MDH1: variants seen among roughly 807,000 people sequenced by gnomAD.
MDH1 encodes malate dehydrogenase 1.
A neutral mutation model predicts 38.7 loss-of-function variants in MDH1; 15 were observed. The observed-to-expected ratio is 0.39, with a 90% CI of 0.26 to 0.60. The LOEUF (loss-of-function observed/expected upper bound fraction) is 0.60. Among genes scored for constraint, MDH1 ranks in the 20% least tolerant of loss-of-function variants. The pLI is 0.56. For missense variants in MDH1, 368 were observed against 405.2 expected, an observed-to-expected ratio of 0.91 and a Z score of 0.79; for synonymous variants, 144 against 143.6, an observed-to-expected ratio of 1.00 and a Z score of -0.02.
At chr2:63,606,072 A>G (rs746184677) in intron 8 of MDH1, 44 bp downstream of exon 8, 3 of 1,523,058 alleles carry the variant, frequency 2.0e-6, no homozygotes, top group Admixed American at 3.3e-5. Flanking sequence ...GGAAGTAGTT[A>G]TATGTTTCTC....
At chr2:63,598,799 C>T (rs900306257) in intron 4 of MDH1, among the ~76,000 whole-genome samples, 7 of 151,796 alleles carry the variant, frequency 4.6e-5, no homozygotes, top group African/African-American at 1.7e-4. Flanking sequence ...AGTAATTCCA[C>T]TTCTTCAAAG....
chr2:63,594,497 A>G lies in MDH1; in HGVS notation c.13A>G (p.Ile5Val), dbSNP rs1709264165. MSEP[I>V]RVLVTGAAGQ... ...GTCTTTTTCATTACAGTCTGAACCA[A>G]TCAGAGTCCTTGTGACTGGAGCAGC... The change falls in exon 2 of 9, where the codon ATC becomes GTC. Residue 5 changes from isoleucine (I) to valine (V), a missense_variant. Coordinates refer to ENST00000233114, the MANE Select transcript of MDH1 (RefSeq NM_005917.4). The G allele has an allele frequency of 1.2e-6, 2 of 1,612,822 alleles. No homozygotes were observed. The highest frequency in any genetic ancestry group is 2.2e-5 in the East Asian group (1 of 44,844).
At chr2:63,589,551 G>T (rs576305874) in intron 1 of MDH1, among the ~76,000 whole-genome samples, 1 of 152,250 alleles carries the variant, frequency 6.6e-6, no homozygotes, top group East Asian at 1.9e-4. Context: ...ACGTGTTTCC[G>T]CCATATCTAA....
intron 1 of MDH1, 195 bp downstream of exon 1, chr2:63,589,241 G>A: frequency 6.4e-7 from 1 of 1,555,272 alleles, no homozygotes; most frequent in East Asian, 2.4e-5. Context: ...ACCTTGCGGG[G>A]TATGGGGCGC....
intron 1 of MDH1, chr2:63,589,277 T>C: frequency 6.4e-7 from 1 of 1,551,146 alleles, no homozygotes; most frequent in East Asian, 2.4e-5. Context: ...GGAGAAGTAG[T>C]TGTCCTGGGA....
intron 5 of MDH1, among the ~76,000 whole-genome samples, chr2:63,603,655 C>CTTTTTT (rs11297982): frequency 2.0e-4 from 20 of 99,084 alleles, no homozygotes; most frequent in Non-Finnish European, 2.9e-4. Context: ...CAAGACATTT[C>CTTTTTT]TTTTTTTTTT....
chr2:63,589,206 C>T, intron 1 of MDH1, 160 bp downstream of exon 1: 4 of 1,585,094 alleles, frequency 2.5e-6, no homozygotes, highest in Admixed American at 1.8e-5. Context: ...CGCAGTGACC[C>T]AGTAATGGGA....
At chr2:63,593,826 C>A (rs1349978524) in intron 1 of MDH1, among the ~76,000 whole-genome samples, 1 of 152,090 alleles carries the variant, frequency 6.6e-6, no homozygotes, top group Admixed American at 6.5e-5. Context: ...AGAGTCATCA[C>A]TTTGAATATC....
chr2:63,589,411 T>A, intron 1 of MDH1: 1 of 1,544,248 alleles, frequency 6.5e-7, no homozygotes, highest in Non-Finnish European at 8.8e-7. Flanking sequence ...AAAGGTTGGG[T>A]CCTAACCCCT....
At chr2:63,593,360 C>G (rs1004816565) in intron 1 of MDH1, 1 of 318,080 alleles carries the variant, frequency 3.1e-6, no homozygotes, top group Non-Finnish European at 6.4e-6. Context: ...TCCCAAAGTG[C>G]TGAGATTACA....
chr2:63,598,324 T>G (rs1709356573), intron 4 of MDH1: 1 of 152,182 alleles, frequency 6.6e-6, no homozygotes, highest in Non-Finnish European at 1.5e-5. Context: ...AGACGGGATT[T>G]CACCATGTTG....
intron 2 of MDH1, chr2:63,595,058 T>C: frequency 3.2e-6 from 1 of 312,888 alleles, no homozygotes; most frequent in Non-Finnish European, 6.0e-6. Context: ...CCATGGATAC[T>C]GAATTATTCT....
Position 63,597,518 on chromosome 2 carries a change from A to G in MDH1, c.319A>G (p.Lys107Glu). The change falls in exon 4 of 9, where the codon AAA becomes GAA. Residue 107 changes from lysine to glutamate, a missense_variant. Lys to Glu is a moderately conservative substitution (Grantham distance 56). Transcript: ENST00000233114. ...AAAAGATTTACTGAAAGCAAATGTGAAAATCTTCAAATCCCAGGGTGCAGC... is the reference window on the plus strand; with the variant it reads ...AAAAGATTTACTGAAAGCAAATGTGGAAATCTTCAAATCCCAGGGTGCAGC... The part of the protein sequence containing the change: ...ERKDLLKANV[K>E]IFKSQGAALD... 6.6e-7 allele frequency: 1 copy of G among 1,508,412 alleles called. No individual in the cohort carries two copies. Among genetic ancestry groups the G allele is most frequent in the Non-Finnish European group, 8.9e-7 (1 of 1,120,052 alleles). 93.4% of individuals were successfully genotyped at this position (1,508,412 alleles called of 1,614,324 possible).
intron 3 of MDH1, 103 bp from the exon 4 acceptor site, chr2:63,597,296 A>C (rs1709332573): frequency 7.9e-7 from 1 of 1,268,966 alleles, no homozygotes; most frequent in Admixed American, 3.8e-5. Context: ...ATATGTAAAC[A>C]CTTGCAACAA....
intron 5 of MDH1, among the ~76,000 whole-genome samples, chr2:63,603,720 C>A (rs948340836): frequency 1.4e-5 from 2 of 138,338 alleles, no homozygotes; most frequent in Non-Finnish European, 1.5e-5. Context: ...TGCAGTGGTG[C>A]GATCTTGGCT....
intron 8 of MDH1, 72 bp from the exon 9 acceptor site, chr2:63,606,790 T>C: frequency 8.1e-7 from 1 of 1,232,604 alleles, no homozygotes; most frequent in Non-Finnish European, 1.1e-6. Flanking sequence ...TAAATATAAG[T>C]TCAAACAAGG....
chr2:63,594,989 G>A (rs1249644497), intron 2 of MDH1: 1 of 256,356 alleles, frequency 3.9e-6, no homozygotes, highest in East Asian at 1.1e-4. Flanking sequence ...CTTCCAGCAA[G>A]CCTGATTAAT....
rs761584409 is a variant in MDH1 at position 63,605,267 on chromosome 2, G to C, written c.676-13G>C. The C allele has an allele frequency of 9.6e-6, 15 of 1,569,110 alleles. No individual in the cohort carries two copies. Among genetic ancestry groups the C allele is most frequent in the Non-Finnish European group, 1.2e-5 (14 of 1,139,602 alleles). On this transcript the variant is annotated splice_polypyrimidine_tract_variant and intron_variant, in intron 6 of 8. Transcript: ENST00000233114. Reference sequence around the variant, plus strand: ...CCAAGTAATACTGCTGCCTTCACCTGCCCCCTTCCCAGACTGTGCAGCAGC... The same window carrying C: ...CCAAGTAATACTGCTGCCTTCACCTCCCCCCTTCCCAGACTGTGCAGCAGC...
intron 3 of MDH1, 161 bp from the exon 4 acceptor site, chr2:63,597,238 A>T (rs1709331155): frequency 3.1e-6 from 3 of 956,506 alleles, no homozygotes; most frequent in Non-Finnish European, 3.7e-6. Context: ...TATGATTGTT[A>T]AATTAATATA....
Sources: allele counts gnomAD v4.1 joint callset (sites outside exome capture counted in the v4.1 genomes callset), GRCh38; gene constraint gnomAD v4.1.1; transcripts MANE v1.5; gene names NCBI Gene and HGNC (gene_info 2026-07-23, HGNC 2026-07-21).